ZBTB44: variants seen among roughly 807,000 people sequenced by gnomAD.
The protein encoded by ZBTB44 is zinc finger and BTB domain-containing protein 44.
ZBTB44 carries 15 observed loss-of-function variants against 54.0 expected under a neutral mutation model. That is an observed-to-expected ratio of 0.28 (90% CI 0.19 to 0.43). The LOEUF is 0.43. ZBTB44 is among the 20% of genes least tolerant of loss of function. The pLI, the probability that ZBTB44 is intolerant of heterozygous loss-of-function variation, is 1.00. For missense variants in ZBTB44, 487 were observed against 707.1 expected (o/e 0.69, Z 3.53); for synonymous variants, 230 against 250.1 (o/e 0.92, Z 0.76).
chr11:130,260,539 G>A (rs1027927852), intron 2 of ZBTB44, among the ~76,000 whole-genome samples: 1 of 152,122 alleles, frequency 6.6e-6, no homozygotes, highest in Non-Finnish European at 1.5e-5. Flanking sequence ...TATCATAAAT[G>A]TTTGCTTGGC....
chr11:130,237,059 T>C lies in ZBTB44; in HGVS notation c.1302A>G (p.Lys434=). Residue 434 remains lysine (K), a synonymous_variant, in exon 5 of 8, where the codon AAA becomes AAG. Coordinates refer to ENST00000357899, the MANE Select transcript of ZBTB44 (RefSeq NM_001301098.2). ...TTAGCGAGTAAGCCCTGGTGAACTT[T>C]TTCCCACAGCGGTCACACTGAAATG... is the stretch of plus-strand genomic sequence containing the variant. The part of the protein sequence containing the change: ...IKPFQCDRCG[K]KFTRAYSLKM... The C allele has an allele frequency of 6.3e-7, 1 of 1,596,504 alleles. No homozygotes were observed. Among genetic ancestry groups the C allele is most frequent in the Non-Finnish European group, 8.5e-7 (1 of 1,172,074 alleles).
At position 130,261,449 on chromosome 11, in the gene ZBTB44, T is replaced by A; in HGVS notation, c.425A>T (p.Asp142Val). 1.2e-6 allele frequency: 2 copies of A among 1,614,030 alleles called. No individual in the cohort carries two copies. The highest frequency in any genetic ancestry group is 1.7e-6 in the Non-Finnish European group (2 of 1,179,892). The change falls in exon 2 of 8, where the codon GAT becomes GTT. Residue 142 changes from aspartate to valine, a missense_variant. Asp to Val is a radical substitution (Grantham distance 152). This residue lies in a region of ZBTB44 where 277 missense variants were observed against 306.5 expected (regional missense o/e 0.90). Transcript: ENST00000357899. The surrounding 1 kb of genome is among the most constrained non-coding windows in gnomAD (Gnocchi z 4.8). ...TPNSQPEKGL[D>V]AGQENNSNCN... ...GTTAGAATTATTTTCTTGTCCAGCA[T>A]CTAGACCCTTTTCAGGTTGGCTGTT... is the stretch of plus-strand genomic sequence containing the variant.
chr11:130,260,796 G>C (rs1938806840), intron 2 of ZBTB44, 60 bp downstream of exon 2: 6 of 1,504,946 alleles, frequency 4.0e-6, no homozygotes, highest in Middle Eastern at 1.8e-4. Flanking sequence ...TATCTAACAG[G>C]AACTTAAAAA....
chr11:130,292,342 A>C (rs942163733), intron 1 of ZBTB44, among the ~76,000 whole-genome samples: 13 of 152,292 alleles, frequency 8.5e-5, no homozygotes, highest in Middle Eastern at 3.4e-3. Flanking sequence ...TCCATAAAAA[A>C]AGTCACTATC....
chr11:130,259,312 T>C (rs1457597615), intron 2 of ZBTB44, among the ~76,000 whole-genome samples: 1 of 152,206 alleles, frequency 6.6e-6, no homozygotes, highest in Non-Finnish European at 1.5e-5. Context: ...ACAGATGCTG[T>C]TGAGGATGTG....
At chr11:130,276,232 C>CAAAAAAAA (rs757286125) in intron 1 of ZBTB44, among the ~76,000 whole-genome samples, 2,984 of 31,714 alleles carry the variant, frequency 0.094, 424 homozygotes, top group African/African-American at 0.27. Context: ...AACTCTGTCT[C>CAAAAAAAA]AAAAAAAAAA....
intron 1 of ZBTB44, among the ~76,000 whole-genome samples, chr11:130,272,342 G>A (rs933099366): frequency 6.6e-6 from 1 of 152,198 alleles, no homozygotes; most frequent in Admixed American, 6.5e-5. Context: ...TCTCACTGTA[G>A]TTTTAATTTA....
chr11:130,232,042 T>C (rs991168946), intron 7 of ZBTB44: 35 of 152,198 alleles, frequency 2.3e-4, no homozygotes, highest in African/African-American at 6.5e-4. Flanking sequence ...AGGTAAAGAG[T>C]TGAAAACAAG....
At position 130,311,053 on chromosome 11, in the gene ZBTB44, A is replaced by G. The variant is rs143976578; in HGVS notation, c.-57+3322T>C. On this transcript the variant is annotated intron_variant, in intron 1 of 7. Transcript: ENST00000357899. ...AGAAAAGTATTTCAAGTGACTTTTG[A>G]ACACAGTACTCATTATACATTCTTC... 1.5e-3 allele frequency among the ~76,000 whole-genome samples: 233 copies of G among 152,376 alleles called. 1 individual carries two copies. Among genetic ancestry groups the G allele is most frequent in the African/African-American group, 5.3e-3 (221 of 41,582 alleles).
chr11:130,249,745 C>T (rs1937840513), intron 2 of ZBTB44, among the ~76,000 whole-genome samples: 1 of 152,186 alleles, frequency 6.6e-6, no homozygotes, highest in African/African-American at 2.4e-5. Context: ...TACGCTTTTC[C>T]CACAGTTTTT....
At chr11:130,249,098 A>G (rs184981632) in intron 2 of ZBTB44, among the ~76,000 whole-genome samples, 143 of 152,298 alleles carry the variant, frequency 9.4e-4, no homozygotes, top group Middle Eastern at 3.4e-3. Context: ...AGTGAGACTC[A>G]GTCTCAAACA....
Position 130,239,900 on chromosome 11 carries a change from T to TA in ZBTB44, c.1019-5_1019-4insT, listed in dbSNP as rs1954281072. ...GAAACGCCTTCATCTACTGAGCCTG[T>TA]GAATAAGAGAAAGAGGACCACTGTA... On this transcript the variant is annotated splice_polypyrimidine_tract_variant and splice_region_variant and intron_variant, in intron 2 of 7. Transcript: ENST00000357899. The TA allele has an allele frequency of 6.2e-7, 1 of 1,607,336 alleles. No individual in the cohort carries two copies. Among genetic ancestry groups the TA allele is most frequent in the East Asian group, 2.2e-5 (1 of 44,760 alleles).
rs139609555 is a variant in ZBTB44 at position 130,244,389 on chromosome 11, C to T, written c.1019-4493G>A. 8.6e-3 allele frequency among the ~76,000 whole-genome samples: 1,303 copies of T among 152,074 alleles called. 18 individuals are homozygous for T. Among genetic ancestry groups the T allele is most frequent in the African/African-American group, 0.03 (1,257 of 41,488 alleles). On this transcript the variant is annotated intron_variant, in intron 2 of 7. Coordinates refer to ENST00000357899, the MANE Select transcript of ZBTB44 (RefSeq NM_001301098.2). Reference sequence around the variant, plus strand: ...ATTTTAATGAAAATGAAAATGTGGCCGGGTGCAGTGGCTCATGCCTGTAAT... The same window carrying T: ...ATTTTAATGAAAATGAAAATGTGGCTGGGTGCAGTGGCTCATGCCTGTAAT...
chr11:130,281,257 C>T (rs113651349), intron 1 of ZBTB44, among the ~76,000 whole-genome samples: 1,975 of 152,206 alleles, frequency 0.013, 45 homozygotes, highest in African/African-American at 0.045. Context: ...CGGTGGCTCA[C>T]GCCTGTAATC....
intron 1 of ZBTB44, among the ~76,000 whole-genome samples, chr11:130,282,542 C>T (rs1565674721): frequency 6.6e-6 from 1 of 152,206 alleles, no homozygotes; most frequent in African/African-American, 2.4e-5. Flanking sequence ...ACACTTGAGT[C>T]TTTTCTACAG....
intron 1 of ZBTB44, among the ~76,000 whole-genome samples, chr11:130,312,225 C>A (rs993584273): frequency 6.6e-6 from 1 of 152,110 alleles, no homozygotes; most frequent in Non-Finnish European, 1.5e-5. Context: ...AACCACTAAG[C>A]AAAAGATTGT....
intron 1 of ZBTB44, among the ~76,000 whole-genome samples, chr11:130,299,970 T>C (rs968107925): frequency 1.3e-5 from 2 of 152,188 alleles, no homozygotes; most frequent in African/African-American, 4.8e-5. Context: ...TGGAATATTA[T>C]TCAGCCTTAA....
chr11:130,287,977 A>G (rs1435325627), intron 1 of ZBTB44, among the ~76,000 whole-genome samples: 8 of 151,938 alleles, frequency 5.3e-5, no homozygotes, highest in Non-Finnish European at 7.4e-5. Flanking sequence ...AAAAAAAAAA[A>G]AAAGAAAGAA....
intron 1 of ZBTB44, among the ~76,000 whole-genome samples, chr11:130,276,310 G>T (rs1216933069): frequency 6.6e-6 from 1 of 151,342 alleles, no homozygotes; most frequent in South Asian, 2.1e-4. Flanking sequence ...AATGTTCCAT[G>T]TGCACTTGAG....
Sources: gnomAD v4.1 joint callset for allele counts (sites outside exome capture counted in the v4.1 genomes callset) on GRCh38, gnomAD v4.1.1 for gene constraint, gnomAD v4.1.1 regional missense constraint, Gnocchi (gnomAD v3.1) non-coding constraint, MANE v1.5 for transcripts, NCBI Gene and HGNC (gene_info 2026-07-23, HGNC 2026-07-21) for gene names.